LRRFIP1: variants seen among roughly 807,000 people sequenced by gnomAD.
LRRFIP1 encodes the protein LRR binding FLII interacting protein 1.
A neutral mutation model predicts 104.4 loss-of-function variants in LRRFIP1; 62 were observed. The ratio of observed to expected loss-of-function variants is 0.59; its 90% confidence interval spans 0.48 to 0.73. The LOEUF (loss-of-function observed/expected upper bound fraction) is 0.73, where lower values mean the gene tolerates loss of function less well. LRRFIP1 is among the 30% of genes least tolerant of loss of function. The pLI is 0.00. For missense variants in LRRFIP1, 796 were observed against 824.5 expected (o/e 0.97, Z 0.42); for synonymous variants, 300 against 299.0 (o/e 1.00, Z -0.03).
rs943325929 is a variant in LRRFIP1 at position 237,717,301 on chromosome 2, A to T, written c.202-461A>T. 6.6e-6 allele frequency among the ~76,000 whole-genome samples: 1 copy of T among 152,248 alleles called. No homozygotes were observed. Among genetic ancestry groups the T allele is most frequent in the African/African-American group, 2.4e-5 (1 of 41,462 alleles). On this transcript the variant is annotated intron_variant, in intron 3 of 23. Coordinates refer to ENST00000308482, the MANE Select transcript of LRRFIP1 (RefSeq NM_001137550.2). The surrounding 1 kb of genome is among the most constrained non-coding windows in gnomAD (Gnocchi z 4.2). ...TCAGGCAGCTAGAACAAGCGTCAGC[A>T]CGCAGTTTCTCCCCTTCTCCTCTCA...
At chr2:237,658,220 A>T (rs1394057951) in intron 1 of LRRFIP1, among the ~76,000 whole-genome samples, 1 of 152,200 alleles carries the variant, frequency 6.6e-6, no homozygotes, top group African/African-American at 2.4e-5. Context: ...ATAAAATACC[A>T]AGGAATAAGG....
At chr2:237,662,485 C>A (rs1305308173) in intron 1 of LRRFIP1, among the ~76,000 whole-genome samples, 2 of 151,850 alleles carry the variant, frequency 1.3e-5, no homozygotes, top group Non-Finnish European at 2.9e-5. Context: ...TGCTCTTAAC[C>A]CCTTAGAAAA....
chr2:237,688,488 C>G (rs1429389824), intron 1 of LRRFIP1, among the ~76,000 whole-genome samples: 1 of 133,202 alleles, frequency 7.5e-6, no homozygotes, highest in African/African-American at 2.8e-5. Context: ...CAGAGTCTCA[C>G]TCTGTTGTCC....
intron 13 of LRRFIP1, 102 bp from the exon 14 acceptor site, chr2:237,751,098 G>T: frequency 2.9e-6 from 2 of 694,966 alleles, no homozygotes; most frequent in East Asian, 2.8e-5. Flanking sequence ...AGAAAATTGG[G>T]TGCTCAGACT....
chr2:237,736,734 C>T (rs56019700), intron 10 of LRRFIP1, among the ~76,000 whole-genome samples: 2 of 152,216 alleles, frequency 1.3e-5, no homozygotes, highest in African/African-American at 2.4e-5. Flanking sequence ...AGGAGGTCAT[C>T]TTGTCCTGAC....
At chr2:237,671,125 C>A (rs1423954326) in intron 1 of LRRFIP1, among the ~76,000 whole-genome samples, 1 of 152,188 alleles carries the variant, frequency 6.6e-6, no homozygotes, top group Non-Finnish European at 1.5e-5. Context: ...CAAGGGAACC[C>A]CTTCAGCTTC....
intron 1 of LRRFIP1, chr2:237,684,451 A>T (rs2092160845): frequency 6.6e-6 from 1 of 152,242 alleles, no homozygotes; most frequent in African/African-American, 2.4e-5. Flanking sequence ...ACACCAGCCT[A>T]GGCTACAGAG....
intron 18 of LRRFIP1, 51 bp downstream of exon 18, chr2:237,758,872 G>T: frequency 7.2e-7 from 1 of 1,389,132 alleles, no homozygotes. Context: ...AAAAATCCAG[G>T]TGACAACAGC....
At chr2:237,736,590 C>T (rs186346737) in intron 10 of LRRFIP1, among the ~76,000 whole-genome samples, 141 of 152,286 alleles carry the variant, frequency 9.3e-4, no homozygotes, top group African/African-American at 3.3e-3. Context: ...TACTGTGTCA[C>T]GTCTGAGATG....
chr2:237,698,902 T>G (rs547523213), intron 1 of LRRFIP1, among the ~76,000 whole-genome samples: 96 of 152,338 alleles, frequency 6.3e-4, no homozygotes, highest in African/African-American at 2.2e-3. Flanking sequence ...ATGAAATGCA[T>G]AGGTGAGAAA....
Position 237,703,476 on chromosome 2 carries a change from G to A in LRRFIP1, c.97-5068G>A, listed in dbSNP as rs1442419664. Among the ~76,000 whole-genome samples, 1 of 152,122 alleles carries A rather than the reference G, an allele frequency of 6.6e-6. No homozygotes were observed. Among genetic ancestry groups the A allele is most frequent in the African/African-American group, 2.4e-5 (1 of 41,396 alleles). On this transcript the variant is annotated intron_variant, in intron 1 of 23. Coordinates refer to ENST00000308482, the MANE Select transcript of LRRFIP1 (RefSeq NM_001137550.2). This position sits in a 1 kb window ranked among gnomAD's most constrained non-coding sequence, Gnocchi z 4.3. ...CTTCAGTGGTTCTGAATTCTTTCAA[G>A]ACGAGGTTCCAGATACGGAGGCTGA... is the stretch of plus-strand genomic sequence containing the variant.
At chr2:237,685,117 C>G (rs1482157845) in intron 1 of LRRFIP1, among the ~76,000 whole-genome samples, 6 of 32,260 alleles carry the variant, frequency 1.9e-4, no homozygotes, top group East Asian at 1.7e-3. Flanking sequence ...CTCCCCCCCC[C>G]ACACAAAAAA....
rs141420348 is a variant in LRRFIP1, at chr2:237,742,423, T to A, written c.633+3114T>A. ...AACCTCCCGTATGTGGTTCTTAGAATGCAGAGAGGTCTCTGTAGAGTGCAG... is the reference window on the plus strand; with the variant it reads ...AACCTCCCGTATGTGGTTCTTAGAAAGCAGAGAGGTCTCTGTAGAGTGCAG... On this transcript the variant is annotated intron_variant, in intron 11 of 23. Transcript: ENST00000308482. Among the ~76,000 whole-genome samples the A allele has an allele frequency of 1.3e-3, 200 of 152,316 alleles. 3 individuals are homozygous for A. Among genetic ancestry groups the A allele is most frequent in the East Asian group, 4.2e-3 (22 of 5,182 alleles).
At chr2:237,778,113 T>C (rs2061245431) in intron 23 of LRRFIP1, among the ~76,000 whole-genome samples, 1 of 152,232 alleles carries the variant, frequency 6.6e-6, no homozygotes, top group South Asian at 2.1e-4. Flanking sequence ...TGTCATTTAT[T>C]GCTTCTGTTG....
At chr2:237,687,102 T>A (rs1411158202) in intron 1 of LRRFIP1, among the ~76,000 whole-genome samples, 1 of 152,198 alleles carries the variant, frequency 6.6e-6, no homozygotes, top group African/African-American at 2.4e-5. Flanking sequence ...CGCTGGTGCA[T>A]TCCATCATGA....
chr2:237,759,285 CCA>C (rs1559813238), intron 18 of LRRFIP1, among the ~76,000 whole-genome samples: 1 of 152,028 alleles, frequency 6.6e-6, no homozygotes, highest in Non-Finnish European at 1.5e-5. Context: ...CCTTGGTGGG[CCA>C]CGCCAAGGCG....
intron 2 of LRRFIP1, 68 bp downstream of exon 2, chr2:237,708,698 C>CAGGCACCTGTTGCTGCAG: frequency 6.7e-7 from 1 of 1,500,356 alleles, no homozygotes; most frequent in Non-Finnish European, 9.1e-7. Context: ...GGTGCAAGTG[C>CAGGCACCTGTTGCTGCAG]AGGCACCTGT....
intron 18 of LRRFIP1, among the ~76,000 whole-genome samples, chr2:237,759,358 C>T (rs1015271925): frequency 6.6e-6 from 1 of 152,132 alleles, no homozygotes; most frequent in Non-Finnish European, 1.5e-5. Context: ...TGGGGGGGTT[C>T]CTGAACCGTC....
chr2:237,760,680 T>C (rs1157114391), intron 19 of LRRFIP1, among the ~76,000 whole-genome samples: 3 of 152,102 alleles, frequency 2.0e-5, no homozygotes, highest in Admixed American at 2.0e-4. Context: ...ATTCAGCGCT[T>C]TGAGGGTACG....
Sources: allele counts gnomAD v4.1 joint callset (sites outside exome capture counted in the v4.1 genomes callset), GRCh38; gene constraint gnomAD v4.1.1; non-coding constraint Gnocchi (gnomAD v3.1); transcripts MANE v1.5; gene names NCBI Gene and HGNC (gene_info 2026-07-23, HGNC 2026-07-21).